The following NCOR2 variants were observed in gnomAD, a reference collection of about 807,000 sequenced individuals.
NCOR2 encodes the protein CTG repeat protein 26.
A neutral mutation model predicts 262.9 loss-of-function variants in NCOR2; 81 were observed. That is an observed-to-expected ratio of 0.31 (90% CI 0.26 to 0.37). The LOEUF (loss-of-function observed/expected upper bound fraction) is 0.37. NCOR2 is among the 10% of genes least tolerant of loss of function. The pLI, the probability that NCOR2 is intolerant of heterozygous loss-of-function variation, is 1.00. For synonymous variants in NCOR2, 1,659 were observed against 1,559.3 expected, an observed-to-expected ratio of 1.06 and a Z score of -1.51; for missense variants, 3,385 against 3,621.4, an observed-to-expected ratio of 0.93 and a Z score of 1.68.
At chr12:124,419,829 C>T (rs189060398) in intron 13 of NCOR2, 128 bp downstream of exon 15, 12 of 826,450 alleles carry the variant, frequency 1.5e-5, no homozygotes, top group Middle Eastern at 6.5e-4. Flanking sequence ...CTCACACTGC[C>T]GGTGGCCAAG....
At chr12:124,419,271 A>C (rs972402286) in intron 13 of NCOR2, among the ~76,000 whole-genome samples, 12 of 152,218 alleles carry the variant, frequency 7.9e-5, no homozygotes, top group Admixed American at 2.6e-4. Flanking sequence ...AACATTTGAG[A>C]CCCTGTACGC....
At chr12:124,462,628 G>T (rs1270939572) in intron 5 of NCOR2, among the ~76,000 whole-genome samples, 2 of 152,224 alleles carry the variant, frequency 1.3e-5, no homozygotes, top group Non-Finnish European at 2.9e-5. Context: ...GGCCAGAGGT[G>T]GGGGCCTGGC....
At chr12:124,509,330 C>T (rs2049260666) in intron 1 of NCOR2, among the ~76,000 whole-genome samples, 1 of 151,360 alleles carries the variant, frequency 6.6e-6, no homozygotes, top group South Asian at 2.1e-4. Flanking sequence ...AGAAGCTGTC[C>T]TTCCACTGGG....
rs2047526693 is a variant in NCOR2, at chr12:124,482,176, T to G, written c.411+1420A>C. 6.6e-6 allele frequency among the ~76,000 whole-genome samples: 1 copy of G among 152,070 alleles called. No individual in the cohort carries two copies. Among genetic ancestry groups the G allele is most frequent in the Non-Finnish European group, 1.5e-5 (1 of 67,968 alleles). On this transcript the variant is annotated intron_variant, in intron 3 of 46. Transcript: ENST00000405201. This position sits in a 1 kb window ranked among gnomAD's most constrained non-coding sequence, Gnocchi z 6.3. ...TGACCTCCACTTTCCTGTGACAACTTGGTGAGGCGGGGACTGCCCCAGTGG... is the reference window on the plus strand; with the variant it reads ...TGACCTCCACTTTCCTGTGACAACTGGGTGAGGCGGGGACTGCCCCAGTGG...
At chr12:124,537,165 G>A (rs1245967201), upstream of NCOR2, among the ~76,000 whole-genome samples, 3 of 152,320 alleles carry the variant, frequency 2.0e-5, no homozygotes, top group South Asian at 2.1e-4. Flanking sequence ...ATGTTAGGAC[G>A]CCAATCACCT....
At chr12:124,546,294 T>G (rs1227950811) in intron 1 of NCOR2, among the ~76,000 whole-genome samples, 2 of 152,248 alleles carry the variant, frequency 1.3e-5, no homozygotes, top group East Asian at 3.8e-4. Flanking sequence ...CAGTAAGGGC[T>G]TAATAAATAT....
At chr12:124,395,862 G>A (rs1220597012) in intron 16 of NCOR2, among the ~76,000 whole-genome samples, 1 of 152,220 alleles carries the variant, frequency 6.6e-6, no homozygotes, top group East Asian at 1.9e-4. Context: ...TGAGATCCCA[G>A]GGACTCACCT....
At chr12:124,333,468 AC>A (rs2035413187) in intron 41 of NCOR2, among the ~76,000 whole-genome samples, 189 bp from the exon 44 acceptor site, 2 of 152,132 alleles carry the variant, frequency 1.3e-5, no homozygotes, top group African/African-American at 4.8e-5. Context: ...TTTTTAAACA[AC>A]CCTTTAAAAA....
chr12:124,355,265 C>G, intron 24 of NCOR2, 167 bp downstream of exon 26: 1 of 777,072 alleles, frequency 1.3e-6, no homozygotes, highest in Non-Finnish European at 2.0e-6. Flanking sequence ...AGGGACGAGG[C>G]CCTGAGTGCC....
At chr12:124,422,785 C>T (rs1218276708) in intron 11 of NCOR2, among the ~76,000 whole-genome samples, 1 of 152,226 alleles carries the variant, frequency 6.6e-6, no homozygotes, top group Admixed American at 6.5e-5. Context: ...CTGGCTTTAG[C>T]GCCTTTGAAA....
At chr12:124,425,404 A>C (rs1290557905) in intron 11 of NCOR2, among the ~76,000 whole-genome samples, 2 of 151,968 alleles carry the variant, frequency 1.3e-5, no homozygotes, top group East Asian at 3.9e-4. Context: ...GGAAAAAAAA[A>C]CCTTATGAGA....
chr12:124,357,906 T>TGG (rs1344996587), intron 22 of NCOR2, among the ~76,000 whole-genome samples: 35 of 149,914 alleles, frequency 2.3e-4, no homozygotes, highest in African/African-American at 8.4e-4. Context: ...CTGTGATATG[T>TGG]GTGTGTGCGT....
exon 32 of NCOR2, chr12:124,344,700 C>A: frequency 6.5e-7 from 1 of 1,531,458 alleles, no homozygotes; most frequent in Non-Finnish European, 8.8e-7. Context: ...GGGGGCTCTG[C>A]CGCGGCTTAC....
chr12:124,504,636 A>T lies in NCOR2; in HGVS notation c.-117-9268T>A, dbSNP rs1177804935. Among the ~76,000 whole-genome samples the T allele has an allele frequency of 6.6e-6, 1 of 152,224 alleles. No individual in the cohort carries two copies. Among genetic ancestry groups the T allele is most frequent in the Non-Finnish European group, 1.5e-5 (1 of 68,038 alleles). ...CAGCCAACAAGCAGAAACAACCCAA[A>T]TGTCCATCTACTGACAAACAGATGA... On this transcript the variant is annotated intron_variant, in intron 1 of 46. Transcript: ENST00000404621. This position sits in a 1 kb window ranked among gnomAD's most constrained non-coding sequence, Gnocchi z 4.5.
rs112825961 is a variant in NCOR2, at chr12:124,476,543, C to T, written c.412-3412G>A. 5.9e-3 allele frequency among the ~76,000 whole-genome samples: 896 copies of T among 152,294 alleles called. 9 individuals are homozygous for T. Among genetic ancestry groups the T allele is most frequent in the African/African-American group, 0.019 (809 of 41,550 alleles). On this transcript the variant is annotated intron_variant, in intron 3 of 46. Transcript: ENST00000405201. ...CTCGTCCAACCTGGGAATAATTCTCCAAAGCAACATTAACAAAAAGAAGAT... is the reference window on the plus strand; with the variant it reads ...CTCGTCCAACCTGGGAATAATTCTCTAAAGCAACATTAACAAAAAGAAGAT...
chr12:124,426,412 C>A (rs2043551458), intron 11 of NCOR2, among the ~76,000 whole-genome samples: 1 of 152,240 alleles, frequency 6.6e-6, no homozygotes, highest in Non-Finnish European at 1.5e-5. Flanking sequence ...AGGTCAGGGA[C>A]AGGCTCTCCC....
In NCOR2 at chr12:124,487,730, C is replaced by T. The variant is rs750058497; in HGVS notation, c.106-1162G>A. ...ACGCTGATAGCACAATTGTCCTGTA[C>T]GGTCTTCCTGCTTAACAAGAGTCCA... On this transcript the variant is annotated intron_variant, in intron 1 of 46. Transcript: ENST00000405201. 7.2e-5 allele frequency among the ~76,000 whole-genome samples: 11 copies of T among 152,232 alleles called. 1 individual carries two copies. Among genetic ancestry groups the T allele is most frequent in the Non-Finnish European group, 1.0e-4 (7 of 68,046 alleles).
chr12:124,451,844 C>T (rs1302928883), intron 6 of NCOR2, among the ~76,000 whole-genome samples: 2 of 151,836 alleles, frequency 1.3e-5, no homozygotes, highest in Non-Finnish European at 2.9e-5. Flanking sequence ...CCCAGACCCC[C>T]GCCCACCCAT....
intron 1 of NCOR2, among the ~76,000 whole-genome samples, chr12:124,522,339 C>G (rs1476514414): frequency 6.6e-6 from 1 of 152,212 alleles, no homozygotes; most frequent in Admixed American, 6.5e-5. Context: ...CTGAAACCAG[C>G]GACCTATCCT....
Sources: allele counts gnomAD v4.1 joint callset (sites outside exome capture counted in the v4.1 genomes callset), GRCh38; gene constraint gnomAD v4.1.1; non-coding constraint Gnocchi (gnomAD v3.1); transcripts MANE v1.5; gene names NCBI Gene and HGNC (gene_info 2026-07-23, HGNC 2026-07-21).